Variants in PARP15 observed in about 807,000 individuals in gnomAD.
The protein encoded by PARP15 is protein mono-ADP-ribosyltransferase PARP15.
Under a neutral mutation model 62.1 loss-of-function variants are expected in PARP15, and 50 were observed. That is an observed-to-expected ratio of 0.81 (90% CI 0.64 to 1.02). The LOEUF (loss-of-function observed/expected upper bound fraction) is 1.02, where lower values mean the gene tolerates loss of function less well. Among genes scored for constraint, PARP15 ranks in the 50% least tolerant of loss-of-function variants. PARP15 has a pLI of 0.00. For missense variants in PARP15, 820 were observed against 826.5 expected (o/e 0.99, Z 0.10); for synonymous variants, 309 against 293.1 (o/e 1.05, Z -0.55).
rs755745810 is a variant in PARP15 at position 122,635,138 on chromosome 3, A to T, written c.1691A>T (p.Asp564Val). The change falls in exon 11 of 12, where the codon GAC becomes GTC. Residue 564 changes from aspartate to valine, a missense_variant. This residue lies in a region of PARP15 where 731 missense variants were observed against 727.7 expected (regional missense o/e 1.00). Coordinates refer to ENST00000464300, the MANE Select transcript of PARP15 (RefSeq NM_001113523.3). ...ERLLFHGTDADSVPYVNQHGF... is the reference protein window; with the variant it reads ...ERLLFHGTDAVSVPYVNQHGF... ...CTCCTCTTCCATGGGACAGATGCAG[A>T]CTCAGTGCCATATGTCAATCAGCAC... The T allele has an allele frequency of 6.2e-7, 1 of 1,613,986 alleles. No homozygotes were observed. Among genetic ancestry groups the T allele is most frequent in the African/African-American group, 1.3e-5 (1 of 75,022 alleles).
At chr3:122,634,654 G>A (rs900748119) in intron 10 of PARP15, among the ~76,000 whole-genome samples, 6 of 152,204 alleles carry the variant, frequency 3.9e-5, no homozygotes, top group African/African-American at 1.4e-4. Flanking sequence ...TTAAGGACAT[G>A]GCTATTGAAT....
intron 1 of PARP15, among the ~76,000 whole-genome samples, chr3:122,589,100 G>A (rs1933670515): frequency 6.6e-6 from 1 of 152,148 alleles, no homozygotes; most frequent in Non-Finnish European, 1.5e-5. Flanking sequence ...CTTCAAAAAT[G>A]AACTTTTTTT....
intron 11 of PARP15, 73 bp from the exon 12 acceptor site, chr3:122,635,738 G>A (rs2107613376): frequency 6.7e-7 from 1 of 1,490,926 alleles, no homozygotes; most frequent in South Asian, 1.3e-5. Context: ...AAACAATTTT[G>A]TCAGATTGGG....
At chr3:122,597,625 A>G (rs1305750508) in intron 1 of PARP15, among the ~76,000 whole-genome samples, 1 of 152,146 alleles carries the variant, frequency 6.6e-6, no homozygotes, top group Non-Finnish European at 1.5e-5. Flanking sequence ...CATACCTTAT[A>G]TTAAAAGAAC....
At position 122,617,157 on chromosome 3, in the gene PARP15, GAA is replaced by G; in HGVS notation, c.995_996del (p.Lys332IlefsTer18). ...VNSTARTFNR[K>X]SGVSRAILEG... ...ACTCAACAGCAAGGACATTTAATCG[GAA>G]ATCAGGTACTTTATTTAAGCAATAT... On this transcript the variant is annotated frameshift_variant, in exon 6 of 12. Coordinates refer to ENST00000464300, the MANE Select transcript of PARP15 (RefSeq NM_001113523.3). LOFTEE classifies it high-confidence loss of function. 6.2e-7 allele frequency: 1 copy of G among 1,611,700 alleles called. No homozygotes were observed. Among genetic ancestry groups the G allele is most frequent in the Non-Finnish European group, 8.5e-7 (1 of 1,178,494 alleles).
chr3:122,613,386 C>A, intron 4 of PARP15, 118 bp downstream of exon 4: 1 of 864,956 alleles, frequency 1.2e-6, no homozygotes, highest in Non-Finnish European at 1.8e-6. Flanking sequence ...GTGATGGTTG[C>A]TAATGGGAGG....
rs1300810215 is a variant in PARP15, at chr3:122,638,267, C to T, written c.*2167C>T. The stretch of plus-strand genomic sequence containing the variant: ...TAGTGCCGCAATAAACATACGTGTG[C>T]ATGTGTCTTTACAGCAGCATGATTT... On this transcript the variant is annotated 3_prime_UTR_variant, in exon 12 of 12. Transcript: ENST00000464300. 2.6e-5 allele frequency: 4 copies of T among 152,078 alleles called. No individual in the cohort carries two copies. The highest frequency in any genetic ancestry group is 9.7e-5 in the African/African-American group (4 of 41,380). 9.4% of individuals were successfully genotyped at this position (152,078 alleles called of 1,614,324 possible). A position where few individuals can be genotyped will look rare whatever the true frequency, so the allele number is the denominator to read the frequency against.
intron 1 of PARP15, among the ~76,000 whole-genome samples, chr3:122,603,334 C>T (rs1298172755): frequency 6.6e-6 from 1 of 152,068 alleles, no homozygotes; most frequent in Non-Finnish European, 1.5e-5. Context: ...GGTCTACAAC[C>T]ACCCAGCTTA....
chr3:122,638,063 C>T lies in PARP15; in HGVS notation c.*1963C>T, dbSNP rs1937459766. 1 of 152,020 alleles carries T rather than the reference C, an allele frequency of 6.6e-6. No individual in the cohort carries two copies. The highest frequency in any genetic ancestry group is 2.4e-5 in the African/African-American group (1 of 41,384). The allele number at this position is 152,020 out of a possible 1,614,324, so 9.4% of individuals were successfully genotyped here. A position where few individuals can be genotyped will look rare whatever the true frequency, so the allele number is the denominator to read the frequency against. On this transcript the variant is annotated 3_prime_UTR_variant, in exon 12 of 12. Transcript: ENST00000464300. ...GAACATGTGGTGTTTGGTTTTTTGTCCTTGCGATAGTTTGCTGAGAATGAT... is the reference window on the plus strand; with the variant it reads ...GAACATGTGGTGTTTGGTTTTTTGTTCTTGCGATAGTTTGCTGAGAATGAT...
At chr3:122,605,848 T>C in intron 1 of PARP15, 88 bp from the exon 2 acceptor site, 1 of 1,380,888 alleles carries the variant, frequency 7.2e-7, no homozygotes, top group African/African-American at 1.4e-5. Flanking sequence ...TCCAAAGTGC[T>C]GAGATTACAG....
intron 11 of PARP15, 59 bp from the exon 12 acceptor site, chr3:122,635,752 G>A (rs150929662): frequency 1.3e-6 from 2 of 1,525,562 alleles, no homozygotes; most frequent in African/African-American, 1.4e-5. Flanking sequence ...GATTGGGCAT[G>A]GTTCTACACA....
intron 6 of PARP15, 93 bp downstream of exon 6, chr3:122,617,257 T>C (rs1559972657): frequency 7.5e-7 from 1 of 1,327,924 alleles, no homozygotes; most frequent in Non-Finnish European, 1.0e-6. Context: ...GGACAGAGAG[T>C]GTTGTAGAAA....
Position 122,579,162 on chromosome 3 carries a change from G to A in PARP15, c.186+1309G>A, listed in dbSNP as rs530409221. ...TTTTGAAGCACATAGAAAAGGAAGCGAAACAAAGGATGCCTTTTCATTGTT... is the reference window on the plus strand; with the variant it reads ...TTTTGAAGCACATAGAAAAGGAAGCAAAACAAAGGATGCCTTTTCATTGTT... On this transcript the variant is annotated intron_variant, in intron 1 of 11. Coordinates refer to ENST00000464300, the MANE Select transcript of PARP15 (RefSeq NM_001113523.3). Among the ~76,000 whole-genome samples, 13 of 152,260 alleles carry A rather than the reference G, an allele frequency of 8.5e-5. No homozygotes were observed. The South Asian group carries it at 2.7e-3, about 32-fold the overall frequency.
At chr3:122,622,617 C>G (rs1359325482) in intron 8 of PARP15, among the ~76,000 whole-genome samples, 1 of 152,232 alleles carries the variant, frequency 6.6e-6, no homozygotes, top group East Asian at 1.9e-4. Context: ...TACCTAGGCT[C>G]TGTGCAAGGC....
chr3:122,600,411 G>A (rs540521530), intron 1 of PARP15, among the ~76,000 whole-genome samples: 1 of 152,038 alleles, frequency 6.6e-6, no homozygotes, highest in South Asian at 2.1e-4. Flanking sequence ...TTTATGTTAA[G>A]CCCAAATATG....
At chr3:122,627,835 A>G (rs916338549) in intron 9 of PARP15, among the ~76,000 whole-genome samples, 11 of 152,254 alleles carry the variant, frequency 7.2e-5, no homozygotes, top group Non-Finnish European at 1.2e-4. Flanking sequence ...AACACACAAT[A>G]CATGTAGGAC....
intron 9 of PARP15, among the ~76,000 whole-genome samples, chr3:122,627,584 T>C (rs1936814461): frequency 6.6e-6 from 1 of 152,210 alleles, no homozygotes; most frequent in Non-Finnish European, 1.5e-5. Flanking sequence ...GATTTCGTTT[T>C]CCCCTATTTT....
At chr3:122,579,999 G>GTATATATATATATATA (rs59527124) in intron 1 of PARP15, among the ~76,000 whole-genome samples, 37 of 64,408 alleles carry the variant, frequency 5.7e-4, no homozygotes, top group South Asian at 1.2e-3. Context: ...GCAACTATAT[G>GTATATATATATATATA]TATATATATA....
intron 8 of PARP15, 34 bp downstream of exon 8, chr3:122,621,645 G>A (rs1936356379): frequency 2.6e-6 from 4 of 1,540,626 alleles, no homozygotes; most frequent in Non-Finnish European, 3.5e-6. Context: ...TAAAATTTGA[G>A]TGATACAAAT....
Sources: gnomAD v4.1 joint callset for allele counts (sites outside exome capture counted in the v4.1 genomes callset) on GRCh38, gnomAD v4.1.1 for gene constraint, gnomAD v4.1.1 regional missense constraint, MANE v1.5 for transcripts, NCBI Gene and HGNC (gene_info 2026-07-23, HGNC 2026-07-21) for gene names.